KCNJ15: variants seen among roughly 807,000 people sequenced by gnomAD.
KCNJ15 encodes the protein ATP-sensitive inward rectifier potassium channel 15.
KCNJ15 carries 14 observed loss-of-function variants against 23.0 expected under a neutral mutation model. The observed-to-expected ratio is 0.61, with a 90% CI of 0.40 to 0.95. The LOEUF is 0.95. Ranked by LOEUF, KCNJ15 falls within the 40% of genes least tolerant of loss-of-function variation. The pLI, the probability that KCNJ15 is intolerant of heterozygous loss-of-function variation, is 0.00. For synonymous variants in KCNJ15, 185 were observed against 183.2 expected (o/e 1.01, Z -0.08); for missense variants, 388 against 461.8 (o/e 0.84, Z 1.46).
intron 1 of KCNJ15, among the ~76,000 whole-genome samples, chr21:38,248,833 A>G (rs1418015717): frequency 2.0e-5 from 3 of 152,210 alleles, no homozygotes; most frequent in Non-Finnish European, 4.4e-5. Flanking sequence ...GCCCCTCACC[A>G]TGGAGCTGCA....
At chr21:38,251,246 C>T (rs1450679342) in intron 1 of KCNJ15, among the ~76,000 whole-genome samples, 1 of 152,192 alleles carries the variant, frequency 6.6e-6, no homozygotes, top group Non-Finnish European at 1.5e-5. Flanking sequence ...CGGGAATTGC[C>T]ACAAAATAGT....
intron 1 of KCNJ15, among the ~76,000 whole-genome samples, chr21:38,249,796 G>C (rs1293291602): frequency 1.3e-5 from 2 of 152,172 alleles, no homozygotes; most frequent in African/African-American, 4.8e-5. Flanking sequence ...CTCTTTTTCA[G>C]CTGGAGTCTC....
At chr21:38,277,769 C>T (rs1357544892) in intron 1 of KCNJ15, among the ~76,000 whole-genome samples, 2 of 152,200 alleles carry the variant, frequency 1.3e-5, no homozygotes, top group African/African-American at 4.8e-5. Context: ...GCAATTTAGA[C>T]AACTACGCAG....
chr21:38,234,130 T>A (rs1978446145), intron 1 of KCNJ15, among the ~76,000 whole-genome samples: 1 of 152,218 alleles, frequency 6.6e-6, no homozygotes, highest in African/African-American at 2.4e-5. Context: ...TTTATCTTTG[T>A]TATAAGCCCT....
At chr21:38,255,143 G>C (rs1371656201), upstream of KCNJ15, among the ~76,000 whole-genome samples, 1 of 152,160 alleles carries the variant, frequency 6.6e-6, no homozygotes, top group Non-Finnish European at 1.5e-5. Flanking sequence ...AAGGAGTCTT[G>C]GGGCACGGAC....
At chr21:38,238,987 A>G (rs1469560732) in intron 1 of KCNJ15, among the ~76,000 whole-genome samples, 1 of 152,282 alleles carries the variant, frequency 6.6e-6, no homozygotes, top group African/African-American at 2.4e-5. Flanking sequence ...CCCTACCAAT[A>G]GTTTTCAAAT....
rs2146357091 is a variant in KCNJ15, at chr21:38,300,955, A to G, written c.*566A>G. 6.0e-6 allele frequency: 1 copy of G among 167,384 alleles called. No homozygotes were observed. The highest frequency in any genetic ancestry group is 1.9e-4 in the East Asian group (1 of 5,198). 10.4% of individuals were successfully genotyped at this position (167,384 alleles called of 1,614,324 possible). On this transcript the variant is annotated 3_prime_UTR_variant, in exon 3 of 3. Coordinates refer to ENST00000398938, the MANE Select transcript of KCNJ15 (RefSeq NM_170736.3). ...AGTAATTTCATTTTTACCTTTCTTC[A>G]GTGGACTGAATTGTATGGAAGGAAA...
chr21:38,280,648 G>A (rs1601210130), intron 1 of KCNJ15, among the ~76,000 whole-genome samples: 1 of 152,094 alleles, frequency 6.6e-6, no homozygotes, highest in African/African-American at 2.4e-5. Flanking sequence ...TAAGCCAAAT[G>A]CTTAAACAAA....
chr21:38,284,191 T>G (rs74526656), intron 1 of KCNJ15, among the ~76,000 whole-genome samples: 7,925 of 152,288 alleles, frequency 0.052, 241 homozygotes, highest in South Asian at 0.076. Context: ...GCATCGGGAT[T>G]CTGCACAAGC....
intron 1 of KCNJ15, chr21:38,238,697 A>G (rs1160188535): frequency 4.4e-6 from 2 of 453,484 alleles, no homozygotes; most frequent in Non-Finnish European, 8.4e-6. Context: ...TCTAGGAGGA[A>G]TGTCCTCTGA....
intron 1 of KCNJ15, among the ~76,000 whole-genome samples, chr21:38,237,874 AT>A (rs1978719599): frequency 6.6e-6 from 1 of 152,212 alleles, no homozygotes; most frequent in African/African-American, 2.4e-5. Flanking sequence ...AGCTATAAAT[AT>A]GGGCATCCTA....
chr21:38,265,374 A>G (rs1981355589), intron 1 of KCNJ15, among the ~76,000 whole-genome samples: 1 of 152,256 alleles, frequency 6.6e-6, no homozygotes, highest in Non-Finnish European at 1.5e-5. Context: ...ACATTTAAAC[A>G]TGAATTGTAT....
At chr21:38,232,465 A>G (rs1385175435) in intron 1 of KCNJ15, among the ~76,000 whole-genome samples, 1 of 151,584 alleles carries the variant, frequency 6.6e-6, no homozygotes, top group Admixed American at 6.6e-5. Context: ...TCTATTTTTT[A>G]TGTATTACTT....
At position 38,283,171 on chromosome 21, in the gene KCNJ15, G is replaced by A. The variant is rs190153416; in HGVS notation, c.-116-13755G>A. ...CTCTGAGAGTAAATGATTTCATAAT[G>A]TTTGGCCACAACACTGTGTGGAAAG... On this transcript the variant is annotated intron_variant, in intron 1 of 2. Coordinates refer to ENST00000398938, the MANE Select transcript of KCNJ15 (RefSeq NM_170736.3). Among the ~76,000 whole-genome samples the A allele has an allele frequency of 3.9e-3, 596 of 152,300 alleles. 6 individuals are homozygous for A. The highest frequency in any genetic ancestry group is 3.8e-3 in the Non-Finnish European group (259 of 68,032).
Position 38,231,376 on chromosome 21 carries a change from C to T in KCNJ15, c.-398-25670C>T, listed in dbSNP as rs112953079. ...AAAATTTCTACATACCAAATTATGTCGTATGTAAATATAAGAACTTTTCCT... is the reference window on the plus strand; with the variant it reads ...AAAATTTCTACATACCAAATTATGTTGTATGTAAATATAAGAACTTTTCCT... On this transcript the variant is annotated intron_variant, in intron 1 of 4. Transcript: ENST00000547341. Among the ~76,000 whole-genome samples, 43 of 151,814 alleles carry T rather than the reference C, an allele frequency of 2.8e-4. 1 individual carries two copies. Among genetic ancestry groups the T allele is most frequent in the Middle Eastern group, 3.4e-3 (1 of 294 alleles).
Position 38,299,562 on chromosome 21 carries a change from A to C in KCNJ15, c.301A>C (p.Ile101Leu). Reference sequence around the variant, plus strand: ...TGGGGACTTAGAACCCGGTGAGCCCATTTCAAATCATACCCCCTGCATCAT... The same window carrying C: ...TGGGGACTTAGAACCCGGTGAGCCCCTTTCAAATCATACCCCCTGCATCAT... ...IHGDLEPGEPISNHTPCIMKV... is the reference protein window; with the variant it reads ...IHGDLEPGEPLSNHTPCIMKV... Residue 101 changes from isoleucine to leucine, a missense_variant, in exon 3 of 3, where the codon ATT becomes CTT. Transcript: ENST00000398938. This position sits in a 1 kb window ranked among gnomAD's most constrained non-coding sequence, Gnocchi z 4.5. The C allele has an allele frequency of 6.2e-7, 1 of 1,614,038 alleles. No individual in the cohort carries two copies. Among genetic ancestry groups the C allele is most frequent in the Non-Finnish European group, 8.5e-7 (1 of 1,180,014 alleles).
At chr21:38,238,657 C>T (rs1165427331) in intron 1 of KCNJ15, 3 of 558,024 alleles carry the variant, frequency 5.4e-6, no homozygotes, top group Non-Finnish European at 3.4e-6. Context: ...GGAATTGGCG[C>T]TGGGCTCTGG....
intron 1 of KCNJ15, among the ~76,000 whole-genome samples, chr21:38,231,987 G>C (rs567454723): frequency 6.6e-6 from 1 of 151,656 alleles, no homozygotes; most frequent in African/African-American, 2.4e-5. Context: ...GCTAGGAATT[G>C]TTTTCTATTT....
At chr21:38,238,303 G>T in intron 1 of KCNJ15, 1 of 710,442 alleles carries the variant, frequency 1.4e-6, no homozygotes, top group Non-Finnish European at 2.7e-6. Flanking sequence ...ACACACATAC[G>T]CAGTGGCCTG....
Sources: allele counts gnomAD v4.1 joint callset (sites outside exome capture counted in the v4.1 genomes callset), GRCh38; gene constraint gnomAD v4.1.1; non-coding constraint Gnocchi (gnomAD v3.1); transcripts MANE v1.5; gene names NCBI Gene and HGNC (gene_info 2026-07-23, HGNC 2026-07-21).